ATP2C2: variants seen among roughly 807,000 people sequenced by gnomAD.
ATP2C2 encodes calcium-transporting ATPase type 2C member 2.
ATP2C2 carries 171 observed loss-of-function variants against 110.8 expected under a neutral mutation model. The ratio of observed to expected loss-of-function variants is 1.54; its 90% CI spans 1.36 to 1.75. ATP2C2 has a LOEUF of 1.75. Among genes scored for constraint, ATP2C2 ranks in the 40% most tolerant of loss-of-function variants. The pLI is 0.00. For synonymous variants in ATP2C2, 804 were observed against 508.4 expected (o/e 1.58, Z -7.82); for missense variants, 1,963 against 1,235.0 (o/e 1.59, Z -8.84).
chr16:84,408,026 G>A (rs932621158), intron 3 of ATP2C2, among the ~76,000 whole-genome samples: 4 of 152,228 alleles, frequency 2.6e-5, no homozygotes, highest in African/African-American at 4.8e-5. Context: ...TTGGTGACTG[G>A]GATGTGCAGG....
chr16:84,448,592 C>T lies in ATP2C2; in HGVS notation c.1563C>T (p.Thr521=). 6.2e-7 allele frequency: 1 copy of T among 1,614,038 alleles called. No individual in the cohort carries two copies. Among genetic ancestry groups the T allele is most frequent in the African/African-American group, 1.3e-5 (1 of 75,040 alleles). Reference sequence around the variant, plus strand: ...TGGAAGAGGTGATCCGCTACTGCACCATGTACAACAACGGGGGCATCCCCC... The same window carrying T: ...TGGAAGAGGTGATCCGCTACTGCACTATGTACAACAACGGGGGCATCCCCC... The part of the protein sequence containing the change: ...GALEEVIRYC[T]MYNNGGIPLP... Residue 521 remains threonine (T), a synonymous_variant, in exon 17 of 27, where the codon ACC becomes ACT. Coordinates refer to ENST00000262429, the MANE Select transcript of ATP2C2 (RefSeq NM_014861.4).
At chr16:84,458,027 A>G (rs1443713679) in intron 21 of ATP2C2, among the ~76,000 whole-genome samples, 2 of 320 alleles carry the variant, frequency 6.3e-3, no homozygotes, top group African/African-American at 0.014. Flanking sequence ...TCATGCTGCT[A>G]TAAAGACACA....
intron 16 of ATP2C2, 133 bp from the exon 17 acceptor site, chr16:84,448,400 C>T: frequency 8.7e-7 from 1 of 1,151,854 alleles, no homozygotes; most frequent in Non-Finnish European, 1.2e-6. Flanking sequence ...GTGAACAGCA[C>T]CAGCCTATGA....
intron 6 of ATP2C2, among the ~76,000 whole-genome samples, chr16:84,412,364 ATGTG>A (rs1491523538): frequency 3.8e-5 from 3 of 77,982 alleles, no homozygotes. Flanking sequence ...GCGTGTGTGC[ATGTG>A]TGTGTGCGTG....
chr16:84,447,020 AC>A (rs1041336584), intron 16 of ATP2C2, among the ~76,000 whole-genome samples: 3 of 151,396 alleles, frequency 2.0e-5, no homozygotes, highest in Non-Finnish European at 4.4e-5. Flanking sequence ...AGCTATGGCC[AC>A]CCCGGGTGGA....
chr16:84,436,166 A>C (rs534265266), intron 11 of ATP2C2, among the ~76,000 whole-genome samples: 2 of 152,304 alleles, frequency 1.3e-5, no homozygotes, highest in South Asian at 4.2e-4. Context: ...ATAGCCAGAA[A>C]ATGTGTTTTG....
intron 1 of ATP2C2, among the ~76,000 whole-genome samples, chr16:84,396,615 G>T (rs1360489476): frequency 2.0e-5 from 3 of 151,092 alleles, no homozygotes; most frequent in African/African-American, 7.3e-5. Flanking sequence ...TGGCAAGGCT[G>T]AGGGCAGCTG....
chr16:84,421,338 A>G (rs1245297521), intron 7 of ATP2C2, among the ~76,000 whole-genome samples: 1 of 152,248 alleles, frequency 6.6e-6, no homozygotes, highest in Non-Finnish European at 1.5e-5. Flanking sequence ...TACCTGGGTG[A>G]CAGGCGGCCA....
chr16:84,372,397 C>A (rs1455194247), intron 1 of ATP2C2, among the ~76,000 whole-genome samples: 1 of 152,180 alleles, frequency 6.6e-6, no homozygotes, highest in Non-Finnish European at 1.5e-5. Context: ...AATTCAGCAA[C>A]ATGTGGGCAT....
At chr16:84,370,864 A>G (rs775372256) in intron 1 of ATP2C2, among the ~76,000 whole-genome samples, 2 of 152,104 alleles carry the variant, frequency 1.3e-5, no homozygotes, top group East Asian at 3.9e-4. Flanking sequence ...GTTACTGAGA[A>G]CTTGCTGTGT....
chr16:84,439,927 C>T (rs191340681), intron 13 of ATP2C2, among the ~76,000 whole-genome samples: 23 of 152,288 alleles, frequency 1.5e-4, no homozygotes, highest in East Asian at 9.6e-4. Context: ...CTTCACTTCT[C>T]GGGTTCAAGC....
chr16:84,396,824 C>T (rs531204547), intron 1 of ATP2C2, among the ~76,000 whole-genome samples: 2 of 151,890 alleles, frequency 1.3e-5, no homozygotes, highest in East Asian at 3.9e-4. Context: ...GATGGCTAAG[C>T]CTGCTTAAAG....
In ATP2C2 at chr16:84,459,344, T is replaced by C; in HGVS notation, c.2291T>C (p.Ile764Thr). Reference protein sequence around the residue: ...NLPSPLNAMQILWINIIMDGP... With the variant: ...NLPSPLNAMQTLWINIIMDGP... ...CCCAGCCCCCTCAACGCCATGCAGA[T>C]CCTATGGATCAACATCATCATGGAT... Residue 764 changes from isoleucine (I) to threonine (T), a missense_variant, in exon 23 of 27, where the codon ATC becomes ACC. Coordinates refer to ENST00000262429, the MANE Select transcript of ATP2C2 (RefSeq NM_014861.4). 2 of 1,614,156 alleles carry C rather than the reference T, an allele frequency of 1.2e-6. No individual in the cohort carries two copies. Among genetic ancestry groups the C allele is most frequent in the Non-Finnish European group, 1.7e-6 (2 of 1,180,004 alleles).
At chr16:84,423,825 C>T (rs758551329) in intron 10 of ATP2C2, among the ~76,000 whole-genome samples, 2 of 152,202 alleles carry the variant, frequency 1.3e-5, no homozygotes, top group Non-Finnish European at 2.9e-5. Context: ...AAACATATTT[C>T]TATGCTTCTA....
At chr16:84,462,221 C>T (rs1911450214) in intron 26 of ATP2C2, 92 bp downstream of exon 26, 6 of 1,514,878 alleles carry the variant, frequency 4.0e-6, no homozygotes, top group Non-Finnish European at 5.3e-6. Flanking sequence ...CAGGAGGGGT[C>T]AGTGCGGGAA....
intron 17 of ATP2C2, among the ~76,000 whole-genome samples, chr16:84,450,899 C>T (rs1333034141): frequency 6.6e-6 from 1 of 152,114 alleles, no homozygotes; most frequent in African/African-American, 2.4e-5. Context: ...AGGGCAAGAA[C>T]TGTTAGAAAC....
intron 1 of ATP2C2, among the ~76,000 whole-genome samples, chr16:84,386,501 G>A (rs1324321326): frequency 2.6e-5 from 4 of 152,100 alleles, no homozygotes; most frequent in South Asian, 2.1e-4. Flanking sequence ...CCACCACTCT[G>A]CCTAGCCGTC....
intron 1 of ATP2C2, among the ~76,000 whole-genome samples, chr16:84,378,822 C>T (rs537775696): frequency 3.9e-5 from 6 of 152,196 alleles, no homozygotes; most frequent in Non-Finnish European, 8.8e-5. Flanking sequence ...CGTGGACACA[C>T]GAAGCCATGA....
At chr16:84,447,511 C>G (rs1016893125) in intron 16 of ATP2C2, among the ~76,000 whole-genome samples, 1 of 151,682 alleles carries the variant, frequency 6.6e-6, no homozygotes, top group African/African-American at 2.4e-5. Context: ...ACGACAACAT[C>G]TGGATGGTAT....
Sources: allele counts gnomAD v4.1 joint callset (sites outside exome capture counted in the v4.1 genomes callset), GRCh38; gene constraint gnomAD v4.1.1; transcripts MANE v1.5; gene names NCBI Gene and HGNC (gene_info 2026-07-23, HGNC 2026-07-21).